The following CFAP99 variants were observed in gnomAD, a reference collection of about 807,000 sequenced individuals.
The protein encoded by CFAP99 is cilia- and flagella-associated protein 99.
Under a neutral mutation model 82.7 loss-of-function variants are expected in CFAP99, and 84 were observed. That is an observed-to-expected ratio of 1.02 (90% CI 0.85 to 1.22). The LOEUF (loss-of-function observed/expected upper bound fraction) is 1.22, where lower values mean the gene tolerates loss of function less well. Among genes scored for constraint, CFAP99 ranks in the 50% most tolerant of loss-of-function variants. The pLI is 0.00. For synonymous variants in CFAP99, 456 were observed against 429.5 expected (o/e 1.06, Z -0.76); for missense variants, 1,059 against 983.5 (o/e 1.08, Z -1.03).
exon 14 of CFAP99, chr4:2,460,070 A>G (rs1181344155): frequency 1.3e-6 from 2 of 1,535,962 alleles, no homozygotes; most frequent in South Asian, 1.2e-5. Context: ...AGAGATGTCC[A>G]TAGTGGAGCT....
intron 2 of CFAP99, among the ~76,000 whole-genome samples, chr4:2,435,973 GAGCAGCTACTCAGGAGGCCGAGGTGGGA>G (rs1733899018): frequency 6.8e-6 from 1 of 147,530 alleles, no homozygotes; most frequent in African/African-American, 2.5e-5. Flanking sequence ...CCGAGGTGGG[GAGCAGCTACTCAGGAGGCCGAGGTGGGA>G]AGGCAGCCTG....
intron 2 of CFAP99, among the ~76,000 whole-genome samples, chr4:2,430,659 C>T (rs1200480166): frequency 1.3e-5 from 2 of 152,220 alleles, no homozygotes; most frequent in Non-Finnish European, 2.9e-5. Flanking sequence ...AGTACTAAGC[C>T]AGGCATGGTG....
At chr4:2,449,868 C>A in intron 7 of CFAP99, 66 bp from the exon 8 acceptor site, 2 of 1,532,500 alleles carry the variant, frequency 1.3e-6, no homozygotes, top group Non-Finnish European at 1.7e-6. Context: ...GAAGTTCGTC[C>A]TCCCATGGCC....
In CFAP99 at chr4:2,446,427, C is replaced by T. The variant is rs914196303; in HGVS notation, c.642+1119C>T. On this transcript the variant is annotated intron_variant, in intron 6 of 14. Coordinates refer to ENST00000635017, the Ensembl canonical transcript of CFAP99. This position sits in a 1 kb window ranked among gnomAD's most constrained non-coding sequence, Gnocchi z 5.0. ...TTATTATTTGAGACAGAGTCTCGCT[C>T]TGTCACCCAGGCTGGAGTGCAGTGG... 1.3e-5 allele frequency among the ~76,000 whole-genome samples: 2 copies of T among 151,546 alleles called. No homozygotes were observed. Among genetic ancestry groups the T allele is most frequent in the African/African-American group, 2.4e-5 (1 of 41,136 alleles).
rs1166683641 is a variant in CFAP99 at position 2,458,475 on chromosome 4, A to G, written c.1162-248A>G. Among the ~76,000 whole-genome samples the G allele has an allele frequency of 2.0e-5, 3 of 152,240 alleles. No individual in the cohort carries two copies. The East Asian group carries it at 5.8e-4, about 29-fold the overall frequency. On this transcript the variant is annotated intron_variant, in intron 11 of 14. Coordinates refer to ENST00000635017, the Ensembl canonical transcript of CFAP99. The stretch of plus-strand genomic sequence containing the variant: ...AAAGTACCACAAACTGGGTGGCTTC[A>G]GATGCAGGAAGGTTCCCCCCAAGAC...
At chr4:2,440,736 G>A (rs1045021045) in intron 4 of CFAP99, among the ~76,000 whole-genome samples, 4 of 151,700 alleles carry the variant, frequency 2.6e-5, no homozygotes, top group Non-Finnish European at 5.9e-5. Flanking sequence ...GGGACTACAG[G>A]CGCCCGCCAC....
intron 4 of CFAP99, among the ~76,000 whole-genome samples, chr4:2,438,901 C>T (rs1733978435): frequency 6.6e-6 from 1 of 152,216 alleles, no homozygotes; most frequent in African/African-American, 2.4e-5. Flanking sequence ...TAATCAAATC[C>T]GAGGCCCAGA....
chr4:2,453,481 C>T (rs535635945), intron 11 of CFAP99, among the ~76,000 whole-genome samples: 2 of 152,202 alleles, frequency 1.3e-5, no homozygotes, highest in Non-Finnish European at 2.9e-5. Context: ...TTACCATCTT[C>T]ACTCCACCAA....
chr4:2,452,238 A>C, exon 11 of CFAP99: 2 of 1,536,160 alleles, frequency 1.3e-6, no homozygotes, highest in South Asian at 2.4e-5. Flanking sequence ...AGCTGGCTGC[A>C]AGCGAGTGCC....
chr4:2,443,298 G>T (rs1481655221), intron 5 of CFAP99, 56 bp downstream of exon 5: 2 of 1,144,746 alleles, frequency 1.7e-6, no homozygotes, highest in Non-Finnish European at 2.5e-6. Context: ...CCCATTCCAG[G>T]TGCCTCCACG....
intron 1 of CFAP99, among the ~76,000 whole-genome samples, chr4:2,421,805 G>A (rs1328572143): frequency 6.6e-6 from 1 of 151,710 alleles, no homozygotes; most frequent in Admixed American, 6.6e-5. Flanking sequence ...ACTTTGGAAT[G>A]CTCAGGTGGG....
At chr4:2,428,102 C>G (rs1469602850) in intron 2 of CFAP99, 1 of 152,712 alleles carries the variant, frequency 6.5e-6, no homozygotes, top group Non-Finnish European at 1.5e-5. Context: ...CAGGTTCATC[C>G]ACACTCCTCT....
chr4:2,433,186 G>A (rs544267766), intron 2 of CFAP99, among the ~76,000 whole-genome samples: 10 of 152,316 alleles, frequency 6.6e-5, no homozygotes, highest in Admixed American at 1.3e-4. Flanking sequence ...GCCTTGCCTG[G>A]GGCTGATGGC....
intron 6 of CFAP99, among the ~76,000 whole-genome samples, chr4:2,447,929 G>GTGGATGGA (rs58535148): frequency 9.4e-4 from 132 of 139,854 alleles, no homozygotes; most frequent in Middle Eastern, 3.7e-3. Flanking sequence ...GAATGGATGG[G>GTGGATGGA]TGGATGGATG....
At position 2,446,669 on chromosome 4, in the gene CFAP99, C is replaced by T. The variant is rs188603942; in HGVS notation, c.642+1361C>T. Among the ~76,000 whole-genome samples the T allele has an allele frequency of 8.7e-4, 132 of 152,272 alleles. 2 individuals carry two copies. The highest frequency in any genetic ancestry group is 5.4e-3 in the East Asian group (28 of 5,184). ...CCTCCCAAAGTGCTGGGATTACAGG[C>T]GTAAGCCACCACACCTGGCCATTAT... On this transcript the variant is annotated intron_variant, in intron 6 of 14. Transcript: ENST00000635017. The surrounding 1 kb of genome is among the most constrained non-coding windows in gnomAD (Gnocchi z 5.0).
chr4:2,458,237 C>A (rs1355608834), intron 11 of CFAP99, among the ~76,000 whole-genome samples: 2 of 152,196 alleles, frequency 1.3e-5, no homozygotes, highest in Non-Finnish European at 2.9e-5. Context: ...CTTTCTTCAC[C>A]TCATATTTCT....
intron 4 of CFAP99, 84 bp from the exon 5 acceptor site, chr4:2,443,046 A>G: frequency 1.4e-6 from 1 of 697,890 alleles, no homozygotes; most frequent in Non-Finnish European, 2.5e-6. Flanking sequence ...GGGGGCAGGG[A>G]GCTCACTGGG....
chr4:2,462,281 G>A lies in CFAP99; in HGVS notation c.1662-162G>A. 1.6e-6 allele frequency: 1 copy of A among 606,696 alleles called. No individual in the cohort carries two copies. Among genetic ancestry groups the A allele is most frequent in the Non-Finnish European group, 2.6e-6 (1 of 384,730 alleles). 37.6% of individuals were successfully genotyped at this position (606,696 alleles called of 1,614,324 possible). On this transcript the variant is annotated intron_variant, in intron 14 of 14. Transcript: ENST00000635017. This position sits in a 1 kb window ranked among gnomAD's most constrained non-coding sequence, Gnocchi z 4.1. ...CTGAGCGGTGGTACTGTCTAGGAGC[G>A]CGCCGCGGCCCCTGGGCCTCGCTGT...
intron 1 of CFAP99, among the ~76,000 whole-genome samples, chr4:2,422,791 G>A (rs1327120918): frequency 6.6e-6 from 1 of 152,174 alleles, no homozygotes; most frequent in Non-Finnish European, 1.5e-5. Flanking sequence ...CTTTAACATT[G>A]TTTCTCTAGA....
Sources: allele counts gnomAD v4.1 joint callset (sites outside exome capture counted in the v4.1 genomes callset), GRCh38; gene constraint gnomAD v4.1.1; non-coding constraint Gnocchi (gnomAD v3.1); transcripts MANE v1.5; gene names NCBI Gene and HGNC (gene_info 2026-07-23, HGNC 2026-07-21).